The following FXYD5 variants were observed in gnomAD, a reference collection of about 807,000 sequenced individuals.
The protein encoded by FXYD5 is FXYD domain containing ion transport regulator 5.
FXYD5 carries 21 observed loss-of-function variants against 25.7 expected under a neutral mutation model. That is an observed-to-expected ratio of 0.82 (90% CI 0.58 to 1.18). The LOEUF is 1.18. Ranked by LOEUF, FXYD5 falls within the 50% of genes most tolerant of loss-of-function variation. The pLI is 0.00. For synonymous variants in FXYD5, 101 were observed against 90.7 expected, an observed-to-expected ratio of 1.11 and a Z score of -0.64; for missense variants, 229 against 227.7, an observed-to-expected ratio of 1.01 and a Z score of -0.04.
chr19:35,169,498 G>A, intron 8 of FXYD5, 68 bp from the exon 9 acceptor site: 1 of 1,201,112 alleles, frequency 8.3e-7, no homozygotes, highest in Non-Finnish European at 1.2e-6. Context: ...TGGTTCCCCA[G>A]CCCCACAACA....
rs772936486 is a variant in FXYD5, at chr19:35,155,614, A to G, written c.61+3A>G. On this transcript the variant is annotated splice_donor_region_variant and intron_variant, in intron 2 of 8. Coordinates refer to ENST00000392219, the MANE Select transcript of FXYD5 (RefSeq NM_014164.6). ...TGGCCTGATTCTCCCCACCAGAGGTAAGACCCATCTCTGGCCTCCACCCTG... is the reference window on the plus strand; with the variant it reads ...TGGCCTGATTCTCCCCACCAGAGGTGAGACCCATCTCTGGCCTCCACCCTG... The G allele has an allele frequency of 1.9e-6, 3 of 1,601,962 alleles. No homozygotes were observed. Among genetic ancestry groups the G allele is most frequent in the Admixed American group, 1.7e-5 (1 of 59,994 alleles).
Position 35,169,604 on chromosome 19 carries a change from C to T in FXYD5, c.526C>T (p.Arg176Cys). Reference sequence around the variant, plus strand: ...GCAGCTGTCCCGGTTATGCCGGAATCGTTGCAGGTGAGTCCATCAGAAACA... The same window carrying T: ...GCAGCTGTCCCGGTTATGCCGGAATTGTTGCAGGTGAGTCCATCAGAAACA... ...CRQLSRLCRN[R>C]CR Residue 176 changes from arginine (R) to cysteine (C), a missense_variant, in exon 9 of 9, where the codon CGT (arginine) becomes TGT (cysteine). Coordinates refer to ENST00000392219, the MANE Select transcript of FXYD5 (RefSeq NM_014164.6). 1 of 1,610,622 alleles carries T rather than the reference C, an allele frequency of 6.2e-7. No individual in the cohort carries two copies. The highest frequency in any genetic ancestry group is 8.5e-7 in the Non-Finnish European group (1 of 1,176,764).
At position 35,166,291 on chromosome 19, in the gene FXYD5, T is replaced by C; in HGVS notation, c.453T>C (p.Ala151=). The C allele has an allele frequency of 6.2e-7, 1 of 1,604,186 alleles. No individual in the cohort carries two copies. The highest frequency in any genetic ancestry group is 1.3e-5 in the African/African-American group (1 of 74,896). Residue 151 remains alanine, a synonymous_variant, in exon 8 of 9, where the codon GCT becomes GCC. Transcript: ENST00000392219. ...TLRKRGLLVA[A]VLFITGIIIL... is the part of the protein sequence containing the mutation. ...GGAAACGGGGGCTGTTGGTCGCAGC[T>C]GTGCTGTTCATCACAGGCATCATCA...
chr19:35,162,921 C>CA (rs1198288513), intron 5 of FXYD5, among the ~76,000 whole-genome samples: 1 of 152,312 alleles, frequency 6.6e-6, no homozygotes, highest in African/African-American at 2.4e-5. Context: ...CTGACTTTTG[C>CA]TGAGAGCTTG....
chr19:35,162,592 A>G (rs10410144), intron 5 of FXYD5, among the ~76,000 whole-genome samples: 5,849 of 152,088 alleles, frequency 0.038, 148 homozygotes, highest in East Asian at 0.068. Context: ...GTGTCTTCTT[A>G]TAAGGGCACT....
At chr19:35,156,945 G>GATCT in intron 2 of FXYD5, 1 of 155,946 alleles carries the variant, frequency 6.4e-6, no homozygotes, top group Admixed American at 6.4e-5. Context: ...CAGGATGGGG[G>GATCT]CAGTGGAGTT....
intron 8 of FXYD5, among the ~76,000 whole-genome samples, chr19:35,167,825 C>T (rs11084803): frequency 0.19 from 29,195 of 152,110 alleles, 2,976 homozygotes; most frequent in East Asian, 0.28. Flanking sequence ...ATGTGTTGAT[C>T]CTGACTTTGC....
In FXYD5 at chr19:35,160,808, C is replaced by T; in HGVS notation, c.292+7C>T. The T allele has an allele frequency of 6.4e-7, 1 of 1,568,596 alleles. No homozygotes were observed. On this transcript the variant is annotated splice_region_variant and intron_variant, in intron 5 of 8. Transcript: ENST00000392219. ...CACAAGAGCACCAAAGCAGGTATAG[C>T]ATGGGACTGAGAGCAGCAGCCTACG...
chr19:35,166,933 C>T (rs1209480000), intron 8 of FXYD5, among the ~76,000 whole-genome samples: 4 of 152,262 alleles, frequency 2.6e-5, no homozygotes, highest in Admixed American at 6.5e-5. Context: ...GCCCACTGCA[C>T]CCAGGCCTGG....
At chr19:35,163,819 G>T in intron 5 of FXYD5, among the ~76,000 whole-genome samples, 1 of 152,132 alleles carries the variant, frequency 6.6e-6, no homozygotes, top group Non-Finnish European at 1.5e-5. Context: ...TCCAGACTAT[G>T]TAGCTGGGTC....
At chr19:35,167,684 C>T (rs900235312) in intron 8 of FXYD5, among the ~76,000 whole-genome samples, 1 of 152,194 alleles carries the variant, frequency 6.6e-6, no homozygotes, top group Non-Finnish European at 1.5e-5. Flanking sequence ...AGAAAATGAG[C>T]ATAGCCACAT....
Position 35,157,471 on chromosome 19 carries a change from A to G in FXYD5, c.112A>G (p.Met38Val), listed in dbSNP as rs1445849549. The change falls in exon 3 of 9, where the codon ATG (methionine) becomes GTG (valine). Residue 38 changes from methionine (M) to valine (V), a missense_variant. Transcript: ENST00000392219. ...CAGTTCTTCAGCAGACTCAACTATC[A>G]TGGACATTCAGGTCCCGACACGAGC... ...TSSSSADSTI[M>V]DIQVPTRAPD... The G allele has an allele frequency of 6.3e-7, 1 of 1,586,098 alleles. No homozygotes were observed. The highest frequency in any genetic ancestry group is 1.1e-5 in the South Asian group (1 of 90,512).
At chr19:35,157,272 C>T in intron 2 of FXYD5, 149 bp from the exon 3 acceptor site, 1 of 540,568 alleles carries the variant, frequency 1.8e-6, no homozygotes, top group East Asian at 3.4e-5. Flanking sequence ...TAGCTGAAAA[C>T]ACTTTCAGAA....
intron 5 of FXYD5, among the ~76,000 whole-genome samples, chr19:35,162,014 T>C (rs1403364273): frequency 6.6e-6 from 1 of 152,210 alleles, no homozygotes; most frequent in African/African-American, 2.4e-5. Context: ...AGAAGGGAAC[T>C]TTTCTAGTTT....
At chr19:35,164,310 T>C (rs1043267013) in intron 6 of FXYD5, 65 bp downstream of exon 6, 1 of 1,491,370 alleles carries the variant, frequency 6.7e-7, no homozygotes, top group Non-Finnish European at 9.2e-7. Context: ...TTCCAGCACC[T>C]GGAGTACAGC....
At position 35,166,380 on chromosome 19, in the gene FXYD5, C is replaced by T. The variant is rs369833565; in HGVS notation, c.487+55C>T. 2.5e-4 allele frequency: 294 copies of T among 1,183,190 alleles called. No individual in the cohort carries two copies. In the East Asian group the frequency reaches 3.4e-3, roughly 13 times the overall value. The allele number at this position is 1,183,190 out of a possible 1,614,324, so 73.3% of individuals were successfully genotyped here. On this transcript the variant is annotated intron_variant, in intron 8 of 8. Coordinates refer to ENST00000392219, the MANE Select transcript of FXYD5 (RefSeq NM_014164.6). ...CCAAGACCAGGAGGGGGACTTATGA[C>T]GGAGGGCTGGGTTCTCAAAGGTCCC...
chr19:35,166,236 T>C lies in FXYD5; in HGVS notation c.413-15T>C. ...AGGTCCGTCTGACTCTACCCCTTCA[T>C]TTTTCTCTCTGCAGATGAACACACC... On this transcript the variant is annotated splice_polypyrimidine_tract_variant and intron_variant, in intron 7 of 8. Transcript: ENST00000392219. The C allele has an allele frequency of 6.2e-7, 1 of 1,612,182 alleles. No individual in the cohort carries two copies. Among genetic ancestry groups the C allele is most frequent in the Non-Finnish European group, 8.5e-7 (1 of 1,178,244 alleles).
At chr19:35,161,807 G>A (rs913485126) in intron 5 of FXYD5, among the ~76,000 whole-genome samples, 15 of 152,328 alleles carry the variant, frequency 9.8e-5, no homozygotes, top group South Asian at 2.1e-4. Context: ...GTGTTGTAGA[G>A]TAGGCCACTC....
intron 6 of FXYD5, 152 bp from the exon 7 acceptor site, chr19:35,165,990 G>C: frequency 1.3e-6 from 1 of 745,714 alleles, no homozygotes; most frequent in Admixed American, 1.9e-5. Context: ...TGAGATTAGA[G>C]GAATAATGGG....
Sources: allele counts gnomAD v4.1 joint callset (sites outside exome capture counted in the v4.1 genomes callset), GRCh38; gene constraint gnomAD v4.1.1; transcripts MANE v1.5; gene names NCBI Gene and HGNC (gene_info 2026-07-23, HGNC 2026-07-21).